Variants in RANBP2 observed in about 807,000 individuals in gnomAD.
RANBP2 encodes RAN binding protein 2.
A neutral mutation model predicts 303.6 loss-of-function variants in RANBP2; 57 were observed. The observed-to-expected ratio is 0.19, with a 90% CI of 0.15 to 0.23. RANBP2 has a LOEUF of 0.23. RANBP2 is among the 10% of genes least tolerant of loss of function. RANBP2 has a pLI of 1.00. For missense variants in RANBP2, 3,138 were observed against 3,780.8 expected, an observed-to-expected ratio of 0.83 and a Z score of 4.46; for synonymous variants, 1,167 against 1,301.5, an observed-to-expected ratio of 0.90 and a Z score of 2.23.
the RANBP2 span, among the ~76,000 whole-genome samples, chr2:108,836,179 G>A: frequency 2.0e-5 from 3 of 151,834 alleles, no homozygotes; most frequent in Non-Finnish European, 2.9e-5. Flanking sequence ...ACCTACCCCC[G>A]CCCCTGATGA....
At chr2:109,701,557 T>C in the RANBP2 span, among the ~76,000 whole-genome samples, 1 of 152,140 alleles carries the variant, frequency 6.6e-6, no homozygotes, top group Non-Finnish European at 1.5e-5. Flanking sequence ...ATACGCAATT[T>C]AGTCTGGCTC....
At chr2:108,909,744 C>T in the RANBP2 span, among the ~76,000 whole-genome samples, 3 of 152,232 alleles carry the variant, frequency 2.0e-5, no homozygotes, top group Non-Finnish European at 4.4e-5. Flanking sequence ...CCTCTACCCT[C>T]GATTTTAGAG....
chr2:108,782,275 C>A lies in RANBP2; in HGVS notation c.8908C>A (p.Arg2970=), dbSNP rs759788872. The stretch of plus-strand genomic sequence containing the variant: ...TTGGCATACAATGAAGAATTATTAC[C>A]GGATCCTAATGAGAAGAGACCAGGT... ...ILWHTMKNYY[R]ILMRRDQVFK... Residue 2970 remains arginine, a synonymous_variant, in exon 27 of 29, where the codon CGG becomes AGG. Coordinates refer to ENST00000283195, the MANE Select transcript of RANBP2 (RefSeq NM_006267.5). 1.9e-6 allele frequency: 3 copies of A among 1,614,086 alleles called. No homozygotes were observed. Among genetic ancestry groups the A allele is most frequent in the East Asian group, 4.5e-5 (2 of 44,866 alleles).
chr2:109,432,478 C>G, the RANBP2 span: 6 of 1,611,958 alleles, frequency 3.7e-6, no homozygotes, highest in East Asian at 6.7e-5. Flanking sequence ...CCCACTGACA[C>G]TGGCCCCATG....
the RANBP2 span, among the ~76,000 whole-genome samples, chr2:109,700,579 G>A: frequency 6.6e-5 from 10 of 152,212 alleles, no homozygotes; most frequent in East Asian, 1.9e-3. Context: ...TTATATCAGT[G>A]AGCAGAGGGA....
the RANBP2 span, among the ~76,000 whole-genome samples, chr2:109,241,215 AGTTT>A: frequency 5.6e-3 from 851 of 151,964 alleles, 8 homozygotes; most frequent in African/African-American, 0.019. Context: ...CTGAAAAAGC[AGTTT>A]GTTTGTCTCT....
intron 7 of RANBP2, 56 bp from the exon 8 acceptor site, chr2:108,746,655 T>C: frequency 1.0e-6 from 1 of 985,590 alleles, no homozygotes; most frequent in Non-Finnish European, 1.5e-6. Flanking sequence ...AAGACCATGT[T>C]ACTATTAGAA....
At chr2:109,085,601 CTT>C in the RANBP2 span, among the ~76,000 whole-genome samples, 10 of 132,134 alleles carry the variant, frequency 7.6e-5, no homozygotes, top group Non-Finnish European at 3.2e-5. Context: ...CCACACCTGG[CTT>C]TTTTTTTTTT....
chr2:109,451,090 C>T, the RANBP2 span, among the ~76,000 whole-genome samples: 1 of 152,244 alleles, frequency 6.6e-6, no homozygotes, highest in Non-Finnish European at 1.5e-5. Flanking sequence ...AGGGCCTCAG[C>T]ACCTCCTGTG....
chr2:108,916,291 G>A, the RANBP2 span, among the ~76,000 whole-genome samples: 29 of 152,164 alleles, frequency 1.9e-4, no homozygotes, highest in Non-Finnish European at 2.4e-4. Flanking sequence ...TGTCATCTTC[G>A]CCTCTTCTTG....
At chr2:108,929,046 G>C in the RANBP2 span, 2 of 892,406 alleles carry the variant, frequency 2.2e-6, no homozygotes, top group Admixed American at 4.0e-5. Flanking sequence ...CGTCCTGGAT[G>C]CTGCTCCTTG....
At chr2:108,952,538 C>G in the RANBP2 span, among the ~76,000 whole-genome samples, 45,377 of 152,168 alleles carry the variant, frequency 0.3, 10,744 homozygotes, top group East Asian at 0.94. Context: ...TTCAGATATA[C>G]TTTTCACTTC....
At chr2:109,533,042 T>G in the RANBP2 span, among the ~76,000 whole-genome samples, 1 of 151,484 alleles carries the variant, frequency 6.6e-6, no homozygotes, top group African/African-American at 2.4e-5. Context: ...GAGACCACCC[T>G]CACAGACACA....
chr2:109,712,918 A>G, the RANBP2 span, among the ~76,000 whole-genome samples: 111,770 of 152,140 alleles, frequency 0.73, 44,828 homozygotes, highest in East Asian at 0.99. Flanking sequence ...AGCGAGAGTG[A>G]GTGAGAGTGG....
At chr2:109,616,237 T>A in the RANBP2 span, 25 of 1,099,270 alleles carry the variant, frequency 2.3e-5, no homozygotes, top group South Asian at 3.4e-5. Flanking sequence ...GAAAAGTGGA[T>A]GTCTTTTTCA....
At chr2:109,380,890 G>A in the RANBP2 span, among the ~76,000 whole-genome samples, 6 of 152,230 alleles carry the variant, frequency 3.9e-5, no homozygotes, top group South Asian at 1.2e-3. Context: ...GCCCCAGCAG[G>A]GCACGCACTG....
At chr2:109,263,183 CAT>C in the RANBP2 span, among the ~76,000 whole-genome samples, 20 of 152,174 alleles carry the variant, frequency 1.3e-4, no homozygotes, top group African/African-American at 4.6e-4. Flanking sequence ...ACGGCAGAGA[CAT>C]GTGCATTCAT....
the RANBP2 span, among the ~76,000 whole-genome samples, chr2:108,993,633 T>C: frequency 1.3e-5 from 2 of 152,124 alleles, no homozygotes; most frequent in African/African-American, 2.4e-5. Flanking sequence ...CCAGCATAAA[T>C]TCAGATGGGA....
At chr2:109,221,318 C>T in the RANBP2 span, among the ~76,000 whole-genome samples, 1 of 151,244 alleles carries the variant, frequency 6.6e-6, no homozygotes, top group South Asian at 2.1e-4. Flanking sequence ...CCAGGTGACT[C>T]ACGGCTGTAA....
Sources: gnomAD v4.1 joint callset for allele counts (sites outside exome capture counted in the v4.1 genomes callset) on GRCh38, gnomAD v4.1.1 for gene constraint, MANE v1.5 for transcripts, NCBI Gene and HGNC (gene_info 2026-07-23, HGNC 2026-07-21) for gene names.